DIAPH3: variants seen among roughly 807,000 people sequenced by gnomAD.
DIAPH3 encodes protein diaphanous homolog 3.
In DIAPH3, 117 loss-of-function variants were observed where a neutral mutation model predicts 144.3. That is an observed-to-expected ratio of 0.81 (90% confidence interval 0.70 to 0.95). DIAPH3 has a LOEUF of 0.95. DIAPH3 is among the 40% of genes least tolerant of loss of function. The pLI is 0.00. For synonymous variants in DIAPH3, 519 were observed against 488.9 expected (o/e 1.06, Z -0.81); for missense variants, 1,421 against 1,412.7 (o/e 1.01, Z -0.09).
At chr13:59,944,134 A>G (rs150911132) in intron 17 of DIAPH3, among the ~76,000 whole-genome samples, 57 of 152,198 alleles carry the variant, frequency 3.7e-4, no homozygotes, top group African/African-American at 1.3e-3. Flanking sequence ...GGATCCCTTG[A>G]GCCCAGGAAT....
chr13:59,875,705 C>T (rs1461981516), intron 21 of DIAPH3, among the ~76,000 whole-genome samples: 2 of 152,118 alleles, frequency 1.3e-5, no homozygotes, highest in African/African-American at 4.8e-5. Flanking sequence ...AGTCAAGCAC[C>T]TATATAGCAA....
intron 2 of DIAPH3, among the ~76,000 whole-genome samples, chr13:60,129,794 C>A (rs1428758665): frequency 4.6e-5 from 7 of 152,140 alleles, no homozygotes; most frequent in Non-Finnish European, 7.4e-5. Context: ...CAAATGCTGC[C>A]CTGAGCTCTA....
intron 20 of DIAPH3, among the ~76,000 whole-genome samples, chr13:59,895,273 C>T (rs905372843): frequency 4.6e-5 from 7 of 151,570 alleles, no homozygotes; most frequent in South Asian, 2.1e-4. Flanking sequence ...TTTCACTAAA[C>T]GGGAAAAAAT....
intron 1 of DIAPH3, among the ~76,000 whole-genome samples, chr13:60,142,872 C>G (rs886591409): frequency 6.6e-6 from 1 of 151,950 alleles, no homozygotes; most frequent in African/African-American, 2.4e-5. Context: ...ATCAGCTTCC[C>G]AAGTAGCTGG....
intron 17 of DIAPH3, among the ~76,000 whole-genome samples, chr13:59,969,312 G>A (rs1462829329): frequency 6.6e-6 from 1 of 152,096 alleles, no homozygotes; most frequent in Non-Finnish European, 1.5e-5. Flanking sequence ...AGCTAACTTT[G>A]AAGACATTAT....
At chr13:59,708,931 T>C (rs2034575826) in intron 27 of DIAPH3, among the ~76,000 whole-genome samples, 1 of 152,172 alleles carries the variant, frequency 6.6e-6, no homozygotes, top group Non-Finnish European at 1.5e-5. Flanking sequence ...TTCCCATGTA[T>C]AATTTTTTAA....
intron 27 of DIAPH3, among the ~76,000 whole-genome samples, chr13:59,773,828 C>T (rs2139274041): frequency 6.6e-6 from 1 of 152,162 alleles, no homozygotes; most frequent in East Asian, 1.9e-4. Context: ...AACAAGATGA[C>T]AGATTTAATA....
At chr13:59,674,601 C>G (rs2032542253) in intron 27 of DIAPH3, among the ~76,000 whole-genome samples, 1 of 152,224 alleles carries the variant, frequency 6.6e-6, no homozygotes. Context: ...CACGATCTCA[C>G]AGCTTCAACT....
chr13:59,776,464 C>T (rs1432581408), intron 25 of DIAPH3, among the ~76,000 whole-genome samples: 1 of 151,434 alleles, frequency 6.6e-6, no homozygotes, highest in Non-Finnish European at 1.5e-5. Flanking sequence ...TAAAAAACTG[C>T]AGGTAATGTC....
intron 4 of DIAPH3, among the ~76,000 whole-genome samples, chr13:60,089,433 C>A (rs545050259): frequency 6.6e-6 from 1 of 152,160 alleles, no homozygotes; most frequent in Non-Finnish European, 1.5e-5. Context: ...TTAAATACAT[C>A]TATATTTATA....
chr13:59,716,675 C>T (rs979229028), intron 27 of DIAPH3, among the ~76,000 whole-genome samples: 14 of 152,044 alleles, frequency 9.2e-5, no homozygotes, highest in East Asian at 1.9e-4. Flanking sequence ...GAATGTAAGA[C>T]GGCTTAAATA....
At chr13:59,859,811 C>T (rs1239972607) in intron 22 of DIAPH3, among the ~76,000 whole-genome samples, 1 of 152,130 alleles carries the variant, frequency 6.6e-6, no homozygotes. Flanking sequence ...GTTCAATGCC[C>T]TTTTGCCCTA....
chr13:60,162,095 G>C (rs112626842), intron 1 of DIAPH3, among the ~76,000 whole-genome samples: 4 of 152,136 alleles, frequency 2.6e-5, no homozygotes, highest in African/African-American at 9.7e-5. Flanking sequence ...TACAGCTTAA[G>C]AGTGTTATCT....
intron 2 of DIAPH3, among the ~76,000 whole-genome samples, chr13:60,113,488 C>G (rs569633244): frequency 7.2e-5 from 11 of 152,138 alleles, no homozygotes; most frequent in African/African-American, 2.4e-4. Context: ...AGGAAAAATA[C>G]TATGTACTGC....
intron 24 of DIAPH3, among the ~76,000 whole-genome samples, chr13:59,828,038 T>C (rs1469142935): frequency 1.3e-5 from 2 of 152,170 alleles, no homozygotes; most frequent in Middle Eastern, 6.8e-3. Flanking sequence ...TGATTAATGC[T>C]ATACAACACT....
At chr13:60,123,949 A>G (rs2058915843) in intron 2 of DIAPH3, among the ~76,000 whole-genome samples, 2 of 152,232 alleles carry the variant, frequency 1.3e-5, no homozygotes, top group Non-Finnish European at 2.9e-5. Context: ...CTTTAAAGTT[A>G]GGCACAAATT....
At chr13:59,993,335 C>G (rs900901311) in intron 9 of DIAPH3, among the ~76,000 whole-genome samples, 2 of 151,756 alleles carry the variant, frequency 1.3e-5, no homozygotes, top group African/African-American at 4.8e-5. Context: ...AAAATGGAAA[C>G]AAAAGACAGT....
At chr13:59,798,944 C>T (rs973576203) in intron 25 of DIAPH3, among the ~76,000 whole-genome samples, 4 of 151,984 alleles carry the variant, frequency 2.6e-5, no homozygotes, top group African/African-American at 9.7e-5. Context: ...GATTAGGGTA[C>T]AAGAAGGCTG....
chr13:59,967,691 C>T (rs2050139545), intron 17 of DIAPH3, among the ~76,000 whole-genome samples: 1 of 152,184 alleles, frequency 6.6e-6, no homozygotes, highest in Non-Finnish European at 1.5e-5. Context: ...CATATATTCT[C>T]CTTGATTGCC....
Sources: gnomAD v4.1 joint callset for allele counts (sites outside exome capture counted in the v4.1 genomes callset) on GRCh38, gnomAD v4.1.1 for gene constraint, MANE v1.5 for transcripts, NCBI Gene and HGNC (gene_info 2026-07-23, HGNC 2026-07-21) for gene names.